Variants in CCDC192 observed in about 807,000 individuals in gnomAD.
CCDC192 encodes coiled-coil domain-containing protein 192.
chr5:127,863,634 A>G (rs1390101265), intron 5 of CCDC192, among the ~76,000 whole-genome samples: 3 of 152,236 alleles, frequency 2.0e-5, no homozygotes, highest in East Asian at 1.9e-4. Context: ...TTGCACAACA[A>G]TGTGCCTATA....
chr5:127,771,104 T>A (rs1383126813), intron 3 of CCDC192, among the ~76,000 whole-genome samples: 2 of 152,252 alleles, frequency 1.3e-5, no homozygotes, highest in Non-Finnish European at 2.9e-5. Context: ...GAGTCTTTTT[T>A]CAATTTCTAC....
At chr5:127,853,130 A>G (rs1178183792) in intron 5 of CCDC192, among the ~76,000 whole-genome samples, 2 of 152,022 alleles carry the variant, frequency 1.3e-5, no homozygotes, top group African/African-American at 4.8e-5. Flanking sequence ...AAGAGTCTGA[A>G]TCTTTGCACC....
At chr5:127,706,134 G>T (rs1750943337) in intron 1 of CCDC192, among the ~76,000 whole-genome samples, 1 of 151,924 alleles carries the variant, frequency 6.6e-6, no homozygotes, top group Non-Finnish European at 1.5e-5. Context: ...TGAAAAATGA[G>T]TAAAAGAGAG....
intron 2 of CCDC192, among the ~76,000 whole-genome samples, chr5:127,752,598 C>T (rs1287870151): frequency 6.6e-6 from 1 of 152,248 alleles, no homozygotes; most frequent in African/African-American, 2.4e-5. Flanking sequence ...GAGGTGGAGC[C>T]TACAGAGGCA....
At chr5:127,800,004 G>T (rs1330282179) in intron 5 of CCDC192, among the ~76,000 whole-genome samples, 2 of 151,944 alleles carry the variant, frequency 1.3e-5, no homozygotes, top group African/African-American at 2.4e-5. Flanking sequence ...ACCCAGCAAG[G>T]TAGTCATTAA....
At chr5:127,764,529 C>T (rs1755108434) in intron 3 of CCDC192, among the ~76,000 whole-genome samples, 1 of 152,130 alleles carries the variant, frequency 6.6e-6, no homozygotes, top group African/African-American at 2.4e-5. Flanking sequence ...GCTCAATTTA[C>T]CACTTACGCT....
At chr5:127,848,751 G>T (rs1254831188) in intron 5 of CCDC192, among the ~76,000 whole-genome samples, 1 of 152,196 alleles carries the variant, frequency 6.6e-6, no homozygotes, top group Non-Finnish European at 1.5e-5. Flanking sequence ...AGAAAGTACT[G>T]AATAAGAATT....
At chr5:127,780,605 G>A (rs1338899524) in intron 3 of CCDC192, among the ~76,000 whole-genome samples, 6 of 152,018 alleles carry the variant, frequency 3.9e-5, no homozygotes, top group Non-Finnish European at 7.4e-5. Flanking sequence ...ATATTTGTTG[G>A]CCATTTGTAT....
intron 3 of CCDC192, chr5:127,785,362 T>C: frequency 4.7e-6 from 2 of 429,302 alleles, no homozygotes; most frequent in Non-Finnish European, 9.2e-6. Flanking sequence ...GGTTCTGAAT[T>C]TGTCAGGTGA....
At chr5:127,899,429 G>A (rs867535741) in intron 6 of CCDC192, among the ~76,000 whole-genome samples, 20 of 152,228 alleles carry the variant, frequency 1.3e-4, no homozygotes, top group Admixed American at 4.6e-4. Flanking sequence ...AGAGTTTCTG[G>A]AACAACATGT....
chr5:127,928,078 C>G (rs1753915385), intron 6 of CCDC192, among the ~76,000 whole-genome samples: 2 of 151,834 alleles, frequency 1.3e-5, no homozygotes, highest in Admixed American at 1.3e-4. Flanking sequence ...CAGGCACCCA[C>G]CACTATGCCT....
At chr5:127,869,869 G>A (rs886992477) in intron 5 of CCDC192, among the ~76,000 whole-genome samples, 2 of 152,000 alleles carry the variant, frequency 1.3e-5, no homozygotes, top group African/African-American at 4.8e-5. Flanking sequence ...AGATGAGTTG[G>A]GACTCAGATG....
chr5:127,843,261 A>G (rs977345379), intron 5 of CCDC192, among the ~76,000 whole-genome samples: 3 of 150,586 alleles, frequency 2.0e-5, no homozygotes, highest in African/African-American at 7.3e-5. Context: ...GATGGTCTCG[A>G]TCTCCTGACC....
intron 5 of CCDC192, among the ~76,000 whole-genome samples, chr5:127,833,683 C>T (rs996775643): frequency 1.3e-5 from 2 of 152,028 alleles, no homozygotes; most frequent in Non-Finnish European, 2.9e-5. Context: ...GTTTGTGCTC[C>T]TAGAATTAAT....
chr5:127,764,694 G>A (rs1755119857), intron 3 of CCDC192, among the ~76,000 whole-genome samples: 1 of 151,740 alleles, frequency 6.6e-6, no homozygotes, highest in Non-Finnish European at 1.5e-5. Flanking sequence ...AATTGTCTTG[G>A]GGCACTTGTA....
At chr5:127,783,781 C>G (rs757150791) in intron 3 of CCDC192, among the ~76,000 whole-genome samples, 59 of 152,016 alleles carry the variant, frequency 3.9e-4, no homozygotes, top group Non-Finnish European at 2.1e-4. Flanking sequence ...TTTCTTAGGT[C>G]TATAAGTAAT....
In CCDC192 at chr5:127,830,165, C is replaced by CAA. The variant is rs34425575; in HGVS notation, c.411+32012_411+32013dup. Among the ~76,000 whole-genome samples the CAA allele has an allele frequency of 9.3e-3, 1,404 of 150,306 alleles. 14 individuals carry two copies. The highest frequency in any genetic ancestry group is 0.023 in the Admixed American group (349 of 15,082). Reference sequence around the variant, plus strand: ...AATACACAGATGCCTTTCGCAGTCTCAAAAAAAAAATCAAGGATTCCTGTA... The same window carrying CAA: ...AATACACAGATGCCTTTCGCAGTCTCAAAAAAAAAAAATCAAGGATTCCTGTA... On this transcript the variant is annotated intron_variant, in intron 5 of 6. Coordinates refer to ENST00000514853, the MANE Select transcript of CCDC192 (RefSeq NM_001317938.2).
chr5:127,753,145 TG>T (rs1754331836), intron 2 of CCDC192, among the ~76,000 whole-genome samples: 1 of 152,080 alleles, frequency 6.6e-6, no homozygotes, highest in Admixed American at 6.6e-5. Flanking sequence ...CGCAGTTCAT[TG>T]TTTGTGGGGT....
At chr5:127,808,240 C>G (rs2126994021) in intron 5 of CCDC192, among the ~76,000 whole-genome samples, 1 of 152,272 alleles carries the variant, frequency 6.6e-6, no homozygotes, top group East Asian at 1.9e-4. Flanking sequence ...AACCTTCCCT[C>G]TTGCCCCATT....
Sources: gnomAD v4.1 joint callset for allele counts (sites outside exome capture counted in the v4.1 genomes callset) on GRCh38, gnomAD v4.1.1 for gene constraint, MANE v1.5 for transcripts, NCBI Gene and HGNC (gene_info 2026-07-23, HGNC 2026-07-21) for gene names.